UBASH3A: variants seen among roughly 807,000 people sequenced by gnomAD.
UBASH3A encodes the protein ubiquitin associated and SH3 domain containing A.
UBASH3A carries 63 observed loss-of-function variants against 73.5 expected under a neutral mutation model. The ratio of observed to expected loss-of-function variants is 0.86; its 90% CI spans 0.70 to 1.06. The LOEUF is 1.06. UBASH3A is among the 50% of genes least tolerant of loss of function. UBASH3A has a pLI of 0.00. For synonymous variants in UBASH3A, 363 were observed against 351.1 expected (o/e 1.03, Z -0.38); for missense variants, 860 against 859.0 (o/e 1.00, Z -0.02).
At chr21:42,440,193 C>G (rs1156478497) in intron 11 of UBASH3A, among the ~76,000 whole-genome samples, 1 of 152,204 alleles carries the variant, frequency 6.6e-6, no homozygotes, top group African/African-American at 2.4e-5. Context: ...GCAGGTCCAG[C>G]CTTCGTGTTT....
intron 11 of UBASH3A, among the ~76,000 whole-genome samples, chr21:42,439,410 A>G (rs924093203): frequency 2.0e-5 from 3 of 151,952 alleles, no homozygotes; most frequent in African/African-American, 7.3e-5. Flanking sequence ...GACTTACTTC[A>G]CTTTGCCTTG....
At chr21:42,410,409 C>T (rs2053066894) in intron 3 of UBASH3A, 3 of 538,360 alleles carry the variant, frequency 5.6e-6, no homozygotes, top group Non-Finnish European at 9.9e-6. Context: ...GCCCAAGGAA[C>T]CCTCCATTCC....
At chr21:42,444,242 G>A (rs548857133) in intron 13 of UBASH3A, among the ~76,000 whole-genome samples, 1 of 152,336 alleles carries the variant, frequency 6.6e-6, no homozygotes, top group Admixed American at 6.5e-5. Flanking sequence ...CTACATCCCA[G>A]TCTGTGGCTG....
At chr21:42,431,792 G>A (rs931499994) in intron 8 of UBASH3A, among the ~76,000 whole-genome samples, 1 of 152,198 alleles carries the variant, frequency 6.6e-6, no homozygotes, top group Non-Finnish European at 1.5e-5. Context: ...CGTCTCTATG[G>A]GAATGATAAG....
At chr21:42,423,755 T>A (rs1208357792) in intron 7 of UBASH3A, among the ~76,000 whole-genome samples, 1 of 152,224 alleles carries the variant, frequency 6.6e-6, no homozygotes, top group Admixed American at 6.5e-5. Flanking sequence ...AGGAACTTTC[T>A]CTTGAGAATT....
At chr21:42,443,821 C>T (rs1355878396) in intron 13 of UBASH3A, among the ~76,000 whole-genome samples, 2 of 152,216 alleles carry the variant, frequency 1.3e-5, no homozygotes, top group African/African-American at 4.8e-5. Context: ...TCCCCTGCCG[C>T]CCAGGCCCTG....
At chr21:42,425,346 T>C (rs973004157) in intron 7 of UBASH3A, among the ~76,000 whole-genome samples, 1 of 152,242 alleles carries the variant, frequency 6.6e-6, no homozygotes, top group African/African-American at 2.4e-5. Context: ...ACCTCACAGA[T>C]GTCATCAGTT....
chr21:42,410,385 G>A, intron 3 of UBASH3A: 1 of 556,950 alleles, frequency 1.8e-6, no homozygotes, highest in African/African-American at 1.9e-5. Context: ...CCCATTTCAA[G>A]GAATTCCATC....
Position 42,413,020 on chromosome 21 carries a change from T to G in UBASH3A, c.355-4T>G, listed in dbSNP as rs2053130905. The stretch of plus-strand genomic sequence containing the variant: ...AAACACAGGCTCTGTCTCTGTCCCC[T>G]TAGTGTGAAGACCAGAAGGTGGAAT... On this transcript the variant is annotated splice_polypyrimidine_tract_variant and splice_region_variant and intron_variant, in intron 3 of 14. Coordinates refer to ENST00000319294, the MANE Select transcript of UBASH3A (RefSeq NM_018961.4). This position sits in a 1 kb window ranked among gnomAD's most constrained non-coding sequence, Gnocchi z 4.5. 6.2e-7 allele frequency: 1 copy of G among 1,613,468 alleles called. No individual in the cohort carries two copies. The highest frequency in any genetic ancestry group is 1.3e-5 in the African/African-American group (1 of 75,044).
At chr21:42,414,363 C>A (rs895409592) in intron 5 of UBASH3A, among the ~76,000 whole-genome samples, 4 of 152,150 alleles carry the variant, frequency 2.6e-5, no homozygotes, top group Admixed American at 2.6e-4. Flanking sequence ...GGATTAGTAT[C>A]CTTTATCAAA....
chr21:42,436,765 T>C (rs1311244763), intron 10 of UBASH3A, among the ~76,000 whole-genome samples: 1 of 152,216 alleles, frequency 6.6e-6, no homozygotes, highest in East Asian at 1.9e-4. Context: ...AGAGCAGGGC[T>C]TCCAGTATCA....
intron 12 of UBASH3A, among the ~76,000 whole-genome samples, chr21:42,442,827 G>T (rs936864372): frequency 3.9e-5 from 6 of 152,102 alleles, no homozygotes; most frequent in Non-Finnish European, 5.9e-5. Flanking sequence ...TGAGAAGGTG[G>T]GTCATTCTTG....
At chr21:42,410,138 A>G in intron 3 of UBASH3A, 1 of 702,426 alleles carries the variant, frequency 1.4e-6, no homozygotes, top group South Asian at 1.5e-5. Flanking sequence ...TGATTCAGAA[A>G]AAAAATGGCC....
chr21:42,406,578 ACT>A (rs1429777999), intron 2 of UBASH3A, among the ~76,000 whole-genome samples: 1 of 152,050 alleles, frequency 6.6e-6, no homozygotes, highest in Non-Finnish European at 1.5e-5. Flanking sequence ...GAAAGAGAGA[ACT>A]CTGAACAAGG....
At chr21:42,410,113 C>T (rs946470260) in intron 3 of UBASH3A, 2 of 702,352 alleles carry the variant, frequency 2.8e-6, no homozygotes, top group Admixed American at 2.0e-5. Context: ...TTCCCTGTCT[C>T]AGGGACCAGC....
At chr21:42,425,076 G>A (rs763281374) in intron 7 of UBASH3A, among the ~76,000 whole-genome samples, 5 of 152,162 alleles carry the variant, frequency 3.3e-5, no homozygotes, top group African/African-American at 7.2e-5. Flanking sequence ...TGTTATGGCC[G>A]CCCCAGGAAA....
intron 5 of UBASH3A, 62 bp from the exon 6 acceptor site, chr21:42,416,380 G>C: frequency 6.8e-7 from 1 of 1,473,796 alleles, no homozygotes; most frequent in Non-Finnish European, 9.0e-7. Flanking sequence ...CATGGAGGTC[G>C]GAGGAAGGAG....
chr21:42,414,534 T>C (rs928103330), intron 5 of UBASH3A, among the ~76,000 whole-genome samples: 4 of 152,156 alleles, frequency 2.6e-5, no homozygotes, highest in Non-Finnish European at 5.9e-5. Context: ...AACTTGGGAA[T>C]GTGACCTCAC....
intron 1 of UBASH3A, among the ~76,000 whole-genome samples, chr21:42,405,864 C>T (rs1451192048): frequency 1.3e-5 from 2 of 151,738 alleles, no homozygotes; most frequent in African/African-American, 2.4e-5. Flanking sequence ...AGGGCTGTTT[C>T]CCAGCAGAGA....
Sources: allele counts gnomAD v4.1 joint callset (sites outside exome capture counted in the v4.1 genomes callset), GRCh38; gene constraint gnomAD v4.1.1; non-coding constraint Gnocchi (gnomAD v3.1); transcripts MANE v1.5; gene names NCBI Gene and HGNC (gene_info 2026-07-23, HGNC 2026-07-21).